ENTREP2: variants seen among roughly 807,000 people sequenced by gnomAD.
ENTREP2 encodes the protein protein ENTREP2.
At chr15:29,530,893 C>T in the ENTREP2 span, among the ~76,000 whole-genome samples, 1 of 152,226 alleles carries the variant, frequency 6.6e-6, no homozygotes, top group Admixed American at 6.5e-5. Flanking sequence ...TCTGGCCAGA[C>T]ACCTCCTGTA....
chr15:29,598,940 C>A, the ENTREP2 span, among the ~76,000 whole-genome samples: 1 of 152,202 alleles, frequency 6.6e-6, no homozygotes, highest in African/African-American at 2.4e-5. Flanking sequence ...TCGTGATCCG[C>A]CCGCCTCGGC....
At chr15:29,596,282 T>A in the ENTREP2 span, among the ~76,000 whole-genome samples, 2 of 152,230 alleles carry the variant, frequency 1.3e-5, no homozygotes, top group African/African-American at 4.8e-5. Context: ...TTGAGAAGCA[T>A]GAGTTCCTAC....
chr15:29,389,551 A>G, the ENTREP2 span, among the ~76,000 whole-genome samples: 1 of 152,188 alleles, frequency 6.6e-6, no homozygotes, highest in Admixed American at 6.5e-5. Context: ...ACTTTTCCCT[A>G]GAAAGGTATA....
the ENTREP2 span, among the ~76,000 whole-genome samples, chr15:29,655,954 A>G: frequency 1.2e-4 from 18 of 149,678 alleles, no homozygotes; most frequent in Non-Finnish European, 1.9e-4. Context: ...GAATCTGGGA[A>G]GCGGAGGTTG....
At chr15:29,427,661 T>C in the ENTREP2 span, among the ~76,000 whole-genome samples, 2 of 152,154 alleles carry the variant, frequency 1.3e-5, no homozygotes, top group East Asian at 1.9e-4. Context: ...ATGAGGGCCC[T>C]TGTGACTACC....
chr15:29,595,109 C>T, the ENTREP2 span, among the ~76,000 whole-genome samples: 1 of 136,222 alleles, frequency 7.3e-6, no homozygotes, highest in African/African-American at 2.7e-5. Flanking sequence ...TTAAAATTAG[C>T]CAGGTGTGAT....
At chr15:29,137,624 C>T in the ENTREP2 span, among the ~76,000 whole-genome samples, 1 of 152,242 alleles carries the variant, frequency 6.6e-6, no homozygotes, top group East Asian at 1.9e-4. Flanking sequence ...CACCTGTGAT[C>T]AGGATTTCGA....
At chr15:29,546,653 G>A in the ENTREP2 span, among the ~76,000 whole-genome samples, 4 of 152,068 alleles carry the variant, frequency 2.6e-5, no homozygotes, top group Non-Finnish European at 4.4e-5. Flanking sequence ...TTGGGAGGCC[G>A]AGGCAGGCGG....
chr15:29,642,788 A>C, the ENTREP2 span, among the ~76,000 whole-genome samples: 23 of 151,872 alleles, frequency 1.5e-4, no homozygotes, highest in Non-Finnish European at 1.6e-4. Flanking sequence ...AATTTTTTGT[A>C]TTTTTAGTAG....
chr15:29,268,445 G>GCTA, the ENTREP2 span: 17,049 of 258,104 alleles, frequency 0.066, 2,799 homozygotes, highest in African/African-American at 0.34. Flanking sequence ...CCTGATAATA[G>GCTA]CTTTTTTATT....
chr15:29,328,762 G>T, the ENTREP2 span, among the ~76,000 whole-genome samples: 248 of 152,288 alleles, frequency 1.6e-3, 1 homozygote, highest in Non-Finnish European at 2.4e-3. Flanking sequence ...AGGCTGGACT[G>T]ATCCACGCTG....
the ENTREP2 span, among the ~76,000 whole-genome samples, chr15:29,310,499 G>A: frequency 6.6e-6 from 1 of 152,174 alleles, no homozygotes; most frequent in African/African-American, 2.4e-5. Flanking sequence ...GCCCCTGGGG[G>A]ATCTCCCCAC....
At chr15:29,173,053 C>T in the ENTREP2 span, among the ~76,000 whole-genome samples, 1 of 152,200 alleles carries the variant, frequency 6.6e-6, no homozygotes, top group Non-Finnish European at 1.5e-5. Context: ...ATTTTCTCTG[C>T]AGACCAGCCC....
chr15:29,531,529 G>A, the ENTREP2 span, among the ~76,000 whole-genome samples: 1 of 152,146 alleles, frequency 6.6e-6, no homozygotes, highest in African/African-American at 2.4e-5. Flanking sequence ...GGGACGGAAG[G>A]CAAAAGGCTG....
the ENTREP2 span, among the ~76,000 whole-genome samples, chr15:29,425,204 T>TG: frequency 3.3e-5 from 5 of 151,024 alleles, no homozygotes; most frequent in South Asian, 4.2e-4. Flanking sequence ...TTTTTGTTTT[T>TG]TTTTTTGTAT....
chr15:29,394,500 T>C, the ENTREP2 span, among the ~76,000 whole-genome samples: 1 of 152,210 alleles, frequency 6.6e-6, no homozygotes, highest in African/African-American at 2.4e-5. Context: ...AAGAACAGAA[T>C]ATAATGTCCA....
the ENTREP2 span, among the ~76,000 whole-genome samples, chr15:29,209,699 G>A: frequency 0.021 from 3,182 of 152,128 alleles, 42 homozygotes; most frequent in Non-Finnish European, 0.031. Context: ...TGGAAAGTGC[G>A]GGTCTCACAC....
chr15:29,233,135 T>C, the ENTREP2 span, among the ~76,000 whole-genome samples: 1 of 152,202 alleles, frequency 6.6e-6, no homozygotes, highest in East Asian at 1.9e-4. Context: ...GCTTGGAGAT[T>C]GACTCTATAA....
the ENTREP2 span, among the ~76,000 whole-genome samples, chr15:29,219,379 A>G: frequency 6.6e-6 from 1 of 152,022 alleles, no homozygotes; most frequent in Admixed American, 6.6e-5. Flanking sequence ...GTGGGAATGT[A>G]AACTAATGCA....
Sources: allele counts gnomAD v4.1 joint callset (sites outside exome capture counted in the v4.1 genomes callset), GRCh38; gene constraint gnomAD v4.1.1; transcripts MANE v1.5; gene names NCBI Gene and HGNC (gene_info 2026-07-23, HGNC 2026-07-21).